Variants in PDE8B observed in about 807,000 individuals in gnomAD.
PDE8B encodes the protein phosphodiesterase 8B, also known as high affinity cAMP-specific and IBMX-insensitive 3',5'-cyclic phosphodiesterase 8B.
PDE8B carries 26 observed loss-of-function variants against 101.3 expected under a neutral mutation model. The observed-to-expected ratio is 0.26, with a 90% CI of 0.19 to 0.36. PDE8B has a LOEUF of 0.36. Ranked by LOEUF, PDE8B falls within the 10% of genes least tolerant of loss-of-function variation. The pLI, the probability that PDE8B is intolerant of heterozygous loss-of-function variation, is 1.00. For missense variants in PDE8B, 810 were observed against 1,163.1 expected, an observed-to-expected ratio of 0.70 and a Z score of 4.42; for synonymous variants, 424 against 429.3, an observed-to-expected ratio of 0.99 and a Z score of 0.15.
At chr5:77,286,764 A>C (rs1056768834) in intron 1 of PDE8B, among the ~76,000 whole-genome samples, 1 of 152,164 alleles carries the variant, frequency 6.6e-6, no homozygotes, top group African/African-American at 2.4e-5. Flanking sequence ...TCTATTCAGA[A>C]TGTTTTTCTT....
intron 10 of PDE8B, among the ~76,000 whole-genome samples, chr5:77,366,942 A>C (rs62364317): frequency 0.024 from 3,589 of 152,172 alleles, 101 homozygotes; most frequent in Middle Eastern, 0.037. Context: ...AGAATGTGCA[A>C]GGTCAGGCCC....
intron 10 of PDE8B, among the ~76,000 whole-genome samples, chr5:77,386,230 G>A (rs1461974096): frequency 2.0e-5 from 3 of 152,156 alleles, no homozygotes; most frequent in Non-Finnish European, 2.9e-5. Context: ...GTGTGATGTG[G>A]TGCTGAGAGG....
At chr5:77,199,640 A>G in the PDE8B span, among the ~76,000 whole-genome samples, 2 of 152,166 alleles carry the variant, frequency 1.3e-5, no homozygotes, top group African/African-American at 4.8e-5. Context: ...GGATATTTAT[A>G]ACCTGTAAAA....
At chr5:77,114,783 A>G in the PDE8B span, 1 of 152,296 alleles carries the variant, frequency 6.6e-6, no homozygotes, top group Non-Finnish European at 1.5e-5. Flanking sequence ...GATGACAACA[A>G]TAAACATAAT....
chr5:77,274,298 A>T (rs1763397893), intron 1 of PDE8B, among the ~76,000 whole-genome samples: 1 of 152,196 alleles, frequency 6.6e-6, no homozygotes, highest in East Asian at 1.9e-4. Flanking sequence ...TCAGGAAGTT[A>T]ATCATTTTGC....
At position 77,217,580 on chromosome 5, in the gene PDE8B, G is replaced by C. The variant is rs1190734029; in HGVS notation, c.339+6316G>C. On this transcript the variant is annotated intron_variant, in intron 1 of 21. Transcript: ENST00000264917. The stretch of plus-strand genomic sequence containing the variant: ...GAGATGAGGTCTCACTCTGTCACCA[G>C]GCTGGAGTGCAATGGTGTGATCTCA... 8.6e-5 allele frequency among the ~76,000 whole-genome samples: 13 copies of C among 151,110 alleles called. No homozygotes were observed. The East Asian group carries it at 2.5e-3, about 29-fold the overall frequency.
the PDE8B span, among the ~76,000 whole-genome samples, chr5:77,175,435 A>G: frequency 6.6e-6 from 1 of 152,152 alleles, no homozygotes; most frequent in Non-Finnish European, 1.5e-5. Context: ...CTGGAATCCT[A>G]TTCTCCCCAG....
intron 2 of PDE8B, among the ~76,000 whole-genome samples, chr5:77,321,871 C>T (rs923121573): frequency 6.6e-6 from 1 of 152,086 alleles, no homozygotes; most frequent in African/African-American, 2.4e-5. Flanking sequence ...TTTTATTATT[C>T]AGGTATGGTA....
chr5:77,186,653 C>T, the PDE8B span, among the ~76,000 whole-genome samples: 3 of 152,152 alleles, frequency 2.0e-5, no homozygotes, highest in Non-Finnish European at 4.4e-5. Flanking sequence ...CCTGAGACTG[C>T]ATTAGGATTG....
the PDE8B span, among the ~76,000 whole-genome samples, chr5:77,169,915 GT>G: frequency 1.3e-5 from 2 of 152,166 alleles, no homozygotes. Flanking sequence ...TCAGTGCACT[GT>G]AGTTTTCTCT....
In PDE8B at chr5:77,406,877, G is replaced by C. The variant is rs533037815; in HGVS notation, c.1289-504G>C. 7.9e-5 allele frequency among the ~76,000 whole-genome samples: 12 copies of C among 152,334 alleles called. No individual in the cohort carries two copies. In the East Asian group the frequency reaches 2.3e-3, roughly 29 times the overall value. ...GTTTCTGGGAGTTAAGAGCCTAAAG[G>C]CATGGGCAGGCGGAGTGACTGGCCC... On this transcript the variant is annotated intron_variant, in intron 12 of 21. Transcript: ENST00000264917.
intron 1 of PDE8B, among the ~76,000 whole-genome samples, chr5:77,222,400 G>GA (rs1380164869): frequency 6.6e-6 from 1 of 152,138 alleles, no homozygotes; most frequent in African/African-American, 2.4e-5. Flanking sequence ...GAGGCGGGTG[G>GA]ATCACGAGGT....
intron 1 of PDE8B, among the ~76,000 whole-genome samples, chr5:77,294,540 T>C (rs1768088537): frequency 1.3e-5 from 2 of 149,680 alleles, no homozygotes; most frequent in South Asian, 4.2e-4. Flanking sequence ...ATTAAGAAAA[T>C]GATTAAAAGT....
intron 1 of PDE8B, among the ~76,000 whole-genome samples, chr5:77,280,898 AAAAC>A (rs112803670): frequency 3.3e-5 from 5 of 151,838 alleles, no homozygotes; most frequent in Non-Finnish European, 5.9e-5. Flanking sequence ...CTCTGTCTCA[AAAAC>A]AAACAAACAA....
intron 2 of PDE8B, among the ~76,000 whole-genome samples, chr5:77,315,714 C>A (rs1773646942): frequency 6.6e-6 from 1 of 152,080 alleles, no homozygotes. Context: ...TTAATACTTG[C>A]TGGTATTTTG....
intron 11 of PDE8B, among the ~76,000 whole-genome samples, chr5:77,401,627 C>A (rs764905812): frequency 1.3e-5 from 2 of 151,846 alleles, no homozygotes; most frequent in African/African-American, 2.4e-5. Context: ...GTACATAGCA[C>A]AATGCCTGTC....
At chr5:77,108,672 G>T in the PDE8B span, among the ~76,000 whole-genome samples, 1 of 152,090 alleles carries the variant, frequency 6.6e-6, no homozygotes, top group African/African-American at 2.4e-5. Context: ...GACAAAGCGA[G>T]ACTCTGTCTC....
the PDE8B span, chr5:77,119,389 TG>T: frequency 6.6e-6 from 1 of 152,264 alleles, no homozygotes; most frequent in African/African-American, 2.4e-5. Context: ...CCTGGCGTGG[TG>T]GCTCACGCCT....
the PDE8B span, among the ~76,000 whole-genome samples, chr5:77,204,687 C>T: frequency 2.6e-5 from 4 of 152,124 alleles, no homozygotes; most frequent in African/African-American, 9.7e-5. Context: ...TTTAGTTCTG[C>T]CTCTGTGCCT....
Sources: gnomAD v4.1 joint callset for allele counts (sites outside exome capture counted in the v4.1 genomes callset) on GRCh38, gnomAD v4.1.1 for gene constraint, MANE v1.5 for transcripts, NCBI Gene and HGNC (gene_info 2026-07-23, HGNC 2026-07-21) for gene names.